MCU: variants seen among roughly 807,000 people sequenced by gnomAD.
The protein encoded by MCU is mitochondrial calcium uniporter.
In MCU, 12 loss-of-function variants were observed where a neutral mutation model predicts 45.2. The ratio of observed to expected loss-of-function variants is 0.27; its 90% CI spans 0.17 to 0.43. MCU has a LOEUF of 0.43. Ranked by LOEUF, MCU falls within the 20% of genes least tolerant of loss-of-function variation. The probability of loss-of-function intolerance (pLI) is 1.00; values close to 1 mark genes in which losing one functional copy is unlikely to be tolerated. For missense variants in MCU, 324 were observed against 436.7 expected (o/e 0.74, Z 2.30); for synonymous variants, 160 against 165.1 (o/e 0.97, Z 0.24).
chr10:72,850,867 A>G (rs1265451117), intron 2 of MCU, among the ~76,000 whole-genome samples: 1 of 152,198 alleles, frequency 6.6e-6, no homozygotes, highest in Non-Finnish European at 1.5e-5. Context: ...ATTCAACCAA[A>G]CAGCCACTTG....
chr10:72,735,446 T>G (rs1007189370), intron 1 of MCU, among the ~76,000 whole-genome samples: 8 of 152,202 alleles, frequency 5.3e-5, no homozygotes, highest in Admixed American at 6.5e-5. Flanking sequence ...AGGGTTTCAC[T>G]TGACAGCATG....
intron 2 of MCU, among the ~76,000 whole-genome samples, chr10:72,844,618 A>G (rs1374032788): frequency 6.6e-6 from 1 of 152,176 alleles, no homozygotes; most frequent in African/African-American, 2.4e-5. Context: ...GCGGTAATGT[A>G]TAAGGAAGCT....
rs1410066304 is a variant in MCU at position 72,886,378 on chromosome 10, C to T, written c.*556C>T. 2 of 152,616 alleles carry T rather than the reference C, an allele frequency of 1.3e-5. No homozygotes were observed. The highest frequency in any genetic ancestry group is 2.9e-5 in the Non-Finnish European group (2 of 68,160). The allele number at this position is 152,616 out of a possible 1,614,324, so 9.5% of individuals were successfully genotyped here. ...ACCACCTACCTGTACCTCTTGGTTA[C>T]ACTCATTTTTTCCATTTGATAATTG... On this transcript the variant is annotated 3_prime_UTR_variant, in exon 8 of 8. Coordinates refer to ENST00000373053, the MANE Select transcript of MCU (RefSeq NM_138357.3).
chr10:72,692,721 C>G, intron 1 of MCU: 1 of 1,262,814 alleles, frequency 7.9e-7, no homozygotes, highest in Non-Finnish European at 1.0e-6. Flanking sequence ...TCTGAGTTGC[C>G]GCGGCCGCCT....
At chr10:72,818,266 G>A (rs1844655892) in intron 1 of MCU, among the ~76,000 whole-genome samples, 1 of 152,200 alleles carries the variant, frequency 6.6e-6, no homozygotes, top group African/African-American at 2.4e-5. Context: ...GAGGCTAAGT[G>A]TGAGCAAACC....
intron 1 of MCU, among the ~76,000 whole-genome samples, chr10:72,774,797 A>G (rs1018034020): frequency 6.6e-6 from 1 of 152,156 alleles, no homozygotes; most frequent in Non-Finnish European, 1.5e-5. Flanking sequence ...AAAAAGAAAC[A>G]AAGAAGGGCA....
At chr10:72,809,887 G>T (rs1705021018) in intron 1 of MCU, among the ~76,000 whole-genome samples, 1 of 152,224 alleles carries the variant, frequency 6.6e-6, no homozygotes, top group South Asian at 2.1e-4. Context: ...TCAAAGAAAA[G>T]AATTTCAGGA....
chr10:72,810,008 A>C (rs7912424), intron 1 of MCU, among the ~76,000 whole-genome samples: 1 of 150,802 alleles, frequency 6.6e-6, no homozygotes, highest in African/African-American at 2.5e-5. Context: ...CTGTGTGTGC[A>C]TGTGTGTGTG....
intron 1 of MCU, among the ~76,000 whole-genome samples, chr10:72,781,675 T>G (rs1207098532): frequency 2.0e-5 from 3 of 152,256 alleles, no homozygotes; most frequent in Non-Finnish European, 4.4e-5. Flanking sequence ...TAGCCTGAGC[T>G]AATTCCTAGG....
chr10:72,842,275 C>T (rs1316995997), intron 2 of MCU, among the ~76,000 whole-genome samples: 2 of 152,084 alleles, frequency 1.3e-5, no homozygotes, highest in Admixed American at 6.5e-5. Context: ...ATAGAAAAAC[C>T]GCAGAGATCT....
At chr10:72,876,040 A>G (rs1845611834) in intron 6 of MCU, among the ~76,000 whole-genome samples, 1 of 152,212 alleles carries the variant, frequency 6.6e-6, no homozygotes, top group Non-Finnish European at 1.5e-5. Context: ...AAATGCCTTA[A>G]AAAGCTACTT....
At chr10:72,724,898 A>C (rs907423539) in intron 1 of MCU, among the ~76,000 whole-genome samples, 2 of 152,212 alleles carry the variant, frequency 1.3e-5, no homozygotes, top group Non-Finnish European at 2.9e-5. Context: ...GTGTTGAATA[A>C]ACGAATCTTT....
At chr10:72,853,666 A>G (rs1845243176) in intron 2 of MCU, among the ~76,000 whole-genome samples, 1 of 152,216 alleles carries the variant, frequency 6.6e-6, no homozygotes, top group African/African-American at 2.4e-5. Context: ...CATAAAGAAA[A>G]GCAAAGCACA....
At chr10:72,751,341 CTTTTTTTTTTTTTTTTTT>C (rs71021528) in intron 1 of MCU, among the ~76,000 whole-genome samples, 1,014 of 44,798 alleles carry the variant, frequency 0.023, 37 homozygotes, top group Middle Eastern at 0.043. Context: ...TCTTCTTCTT[CTTTTTTTTTTTTTTTTTT>C]TTTTTTTTTT....
chr10:72,772,667 A>T (rs573376933), intron 1 of MCU, among the ~76,000 whole-genome samples: 2 of 152,354 alleles, frequency 1.3e-5, no homozygotes, highest in East Asian at 3.9e-4. Context: ...ACTGCACTCC[A>T]GCCTGGTGGG....
At chr10:72,752,432 G>A (rs1843515751) in intron 1 of MCU, among the ~76,000 whole-genome samples, 1 of 152,120 alleles carries the variant, frequency 6.6e-6, no homozygotes, top group South Asian at 2.1e-4. Flanking sequence ...ATAATCCACA[G>A]TAAATATAGA....
At chr10:72,853,341 AAT>A in intron 2 of MCU, among the ~76,000 whole-genome samples, 1 of 152,322 alleles carries the variant, frequency 6.6e-6, no homozygotes, top group South Asian at 2.1e-4. Flanking sequence ...AGAGGTGAAA[AAT>A]ATGTCTGAAA....
intron 1 of MCU, among the ~76,000 whole-genome samples, chr10:72,797,534 C>CA (rs1844268929): frequency 2.6e-5 from 3 of 115,704 alleles, no homozygotes; most frequent in Non-Finnish European, 3.5e-5. Flanking sequence ...CCATAATATA[C>CA]TTTTTTTTTT....
At chr10:72,709,440 GGAATT>G (rs1842862972) in intron 1 of MCU, among the ~76,000 whole-genome samples, 1 of 152,156 alleles carries the variant, frequency 6.6e-6, no homozygotes, top group Non-Finnish European at 1.5e-5. Context: ...TGCTTTTGAT[GGAATT>G]ACATTTTTTG....
Sources: gnomAD v4.1 joint callset for allele counts (sites outside exome capture counted in the v4.1 genomes callset) on GRCh38, gnomAD v4.1.1 for gene constraint, MANE v1.5 for transcripts, NCBI Gene and HGNC (gene_info 2026-07-23, HGNC 2026-07-21) for gene names.